Variants in CNTN5 observed in about 807,000 individuals in gnomAD.
The protein encoded by CNTN5 is contactin-5.
CNTN5 carries 77 observed loss-of-function variants against 129.1 expected under a neutral mutation model. The observed-to-expected ratio is 0.60, with a 90% CI of 0.50 to 0.72. The LOEUF (loss-of-function observed/expected upper bound fraction) is 0.72. Among genes scored for constraint, CNTN5 ranks in the 30% least tolerant of loss-of-function variants. The pLI is 0.00. For synonymous variants in CNTN5, 509 were observed against 465.6 expected, an observed-to-expected ratio of 1.09 and a Z score of -1.20; for missense variants, 1,478 against 1,328.8, an observed-to-expected ratio of 1.11 and a Z score of -1.75.
intron 2 of CNTN5, among the ~76,000 whole-genome samples, chr11:99,510,201 C>T (rs1310139830): frequency 6.6e-6 from 1 of 151,800 alleles, no homozygotes; most frequent in East Asian, 1.9e-4. Context: ...AATGGGGCAA[C>T]AAGTATATAA....
intron 3 of CNTN5, among the ~76,000 whole-genome samples, chr11:99,616,849 G>A (rs1259734695): frequency 1.3e-5 from 2 of 152,314 alleles, no homozygotes; most frequent in Middle Eastern, 3.4e-3. Flanking sequence ...AGTGGCTCAC[G>A]CCTGTAATCC....
At chr11:100,085,352 A>C (rs1002930677) in intron 13 of CNTN5, among the ~76,000 whole-genome samples, 6 of 152,100 alleles carry the variant, frequency 3.9e-5, no homozygotes, top group African/African-American at 1.4e-4. Context: ...AATCAGCACA[A>C]CAAAACTTCA....
At chr11:99,375,366 A>C (rs1000044782) in intron 2 of CNTN5, among the ~76,000 whole-genome samples, 2 of 151,120 alleles carry the variant, frequency 1.3e-5, no homozygotes, top group Admixed American at 6.6e-5. Flanking sequence ...AAAATGGAAG[A>C]ATTAACAGTT....
At chr11:99,055,168 G>A (rs1413566362) in intron 1 of CNTN5, among the ~76,000 whole-genome samples, 4 of 151,920 alleles carry the variant, frequency 2.6e-5, no homozygotes. Context: ...GTTTTAGTCA[G>A]TTTTAGTCAG....
At chr11:99,726,321 T>C (rs949527056) in intron 3 of CNTN5, among the ~76,000 whole-genome samples, 3 of 152,214 alleles carry the variant, frequency 2.0e-5, no homozygotes, top group African/African-American at 4.8e-5. Context: ...AATAGCAAAG[T>C]ATTTTATAAA....
chr11:99,826,075 A>G (rs908400562), intron 4 of CNTN5, among the ~76,000 whole-genome samples: 2 of 152,072 alleles, frequency 1.3e-5, no homozygotes, highest in Admixed American at 1.3e-4. Flanking sequence ...TATCGTAAGC[A>G]TATTTATTTT....
chr11:99,762,225 C>T (rs1457721777), intron 3 of CNTN5, among the ~76,000 whole-genome samples: 8 of 134,662 alleles, frequency 5.9e-5, no homozygotes, highest in African/African-American at 2.2e-4. Context: ...TGCCTGTTCA[C>T]TCTGATGGTA....
intron 7 of CNTN5, among the ~76,000 whole-genome samples, chr11:99,928,693 A>G (rs756155057): frequency 1.3e-5 from 2 of 152,140 alleles, no homozygotes; most frequent in Non-Finnish European, 2.9e-5. Context: ...TTCTCATCCT[A>G]GGCCTGTGGG....
intron 2 of CNTN5, among the ~76,000 whole-genome samples, chr11:99,479,639 C>G (rs1259881383): frequency 6.6e-6 from 1 of 152,066 alleles, no homozygotes; most frequent in Non-Finnish European, 1.5e-5. Flanking sequence ...TAAAATACCA[C>G]TTTTAATGGG....
chr11:99,468,214 T>G (rs180794698), intron 2 of CNTN5, among the ~76,000 whole-genome samples: 2 of 152,304 alleles, frequency 1.3e-5, no homozygotes, highest in East Asian at 3.9e-4. Context: ...GCACAGCTAT[T>G]AATTCCCTTT....
At chr11:100,034,595 C>A (rs1423638305) in intron 9 of CNTN5, among the ~76,000 whole-genome samples, 1 of 152,158 alleles carries the variant, frequency 6.6e-6, no homozygotes, top group Admixed American at 6.6e-5. Flanking sequence ...AAACTGTGCA[C>A]CATGGACTGG....
At chr11:99,323,718 A>T (rs1865665841) in intron 1 of CNTN5, among the ~76,000 whole-genome samples, 1 of 152,152 alleles carries the variant, frequency 6.6e-6, no homozygotes, top group Non-Finnish European at 1.5e-5. Context: ...AAATCCTAAA[A>T]TGAAGATGTG....
chr11:99,940,931 A>G (rs1950420612), intron 7 of CNTN5, among the ~76,000 whole-genome samples: 1 of 152,128 alleles, frequency 6.6e-6, no homozygotes. Context: ...AAAAATAATT[A>G]ATGAAAAAAC....
In CNTN5 at chr11:99,685,072, G is replaced by A. The variant is rs150123100; in HGVS notation, c.55+128803G>A. Among the ~76,000 whole-genome samples the A allele has an allele frequency of 7.0e-3, 1,058 of 151,324 alleles. 8 individuals are homozygous for A. Among genetic ancestry groups the A allele is most frequent in the Non-Finnish European group, 0.013 (867 of 67,634 alleles). On this transcript the variant is annotated intron_variant, in intron 3 of 24. Transcript: ENST00000524871. ...AAACATAAATTTTCTTTGAAGTATA[G>A]TTTAGCTGCATCTAACAAATTTTTC...
chr11:100,148,956 G>A (rs1946951983), intron 13 of CNTN5, among the ~76,000 whole-genome samples: 1 of 152,114 alleles, frequency 6.6e-6, no homozygotes, highest in African/African-American at 2.4e-5. Context: ...TAAAGAACTT[G>A]ATGAACATAT....
intron 3 of CNTN5, among the ~76,000 whole-genome samples, chr11:99,784,784 T>G (rs1945451954): frequency 6.8e-6 from 1 of 147,610 alleles, no homozygotes; most frequent in African/African-American, 2.5e-5. Context: ...TGTGAGATGG[T>G]ATCTCATTGT....
At chr11:100,168,653 G>A (rs2138396689) in intron 13 of CNTN5, among the ~76,000 whole-genome samples, 1 of 152,068 alleles carries the variant, frequency 6.6e-6, no homozygotes, top group Middle Eastern at 3.4e-3. Context: ...AATGGACAAA[G>A]AAATTAATGT....
chr11:99,837,046 G>C (rs932289968), intron 4 of CNTN5, among the ~76,000 whole-genome samples: 1 of 152,052 alleles, frequency 6.6e-6, no homozygotes, highest in African/African-American at 2.4e-5. Flanking sequence ...TATCAGCAAG[G>C]TCTTTATGAC....
chr11:99,255,030 C>T (rs1245317065), intron 1 of CNTN5, among the ~76,000 whole-genome samples: 3 of 151,818 alleles, frequency 2.0e-5, no homozygotes, highest in Non-Finnish European at 4.4e-5. Context: ...AACTAAGATA[C>T]TTATCCAACA....
Sources: allele counts gnomAD v4.1 joint callset (sites outside exome capture counted in the v4.1 genomes callset), GRCh38; gene constraint gnomAD v4.1.1; transcripts MANE v1.5; gene names NCBI Gene and HGNC (gene_info 2026-07-23, HGNC 2026-07-21).